KCP: variants seen among roughly 807,000 people sequenced by gnomAD.
KCP encodes kielin/chordin-like protein.
In KCP, 194 loss-of-function variants were observed where a neutral mutation model predicts 212.7. The observed-to-expected ratio is 0.91, with a 90% CI of 0.81 to 1.03. The LOEUF (loss-of-function observed/expected upper bound fraction) is 1.03. Ranked by LOEUF, KCP falls within the 50% of genes least tolerant of loss-of-function variation. The pLI is 0.00. For missense variants in KCP, 2,080 were observed against 2,162.5 expected, an observed-to-expected ratio of 0.96 and a Z score of 0.76; for synonymous variants, 833 against 865.3, an observed-to-expected ratio of 0.96 and a Z score of 0.65.
At chr7:128,884,232 T>C in intron 28 of KCP, 110 bp from the exon 29 acceptor site, 3 of 1,364,092 alleles carry the variant, frequency 2.2e-6, no homozygotes, top group African/African-American at 1.5e-5. Context: ...TTCCGGGACA[T>C]GTCTTGGGCC....
chr7:128,898,438 C>T (rs1432939388), intron 8 of KCP, among the ~76,000 whole-genome samples: 1 of 152,228 alleles, frequency 6.6e-6, no homozygotes, highest in African/African-American at 2.4e-5. Context: ...ACACCCCTAG[C>T]TGTGCTGGAA....
chr7:128,891,504 T>G lies in KCP; in HGVS notation c.1825A>C (p.Ser609Arg), dbSNP rs763933238. The part of the protein sequence containing the change: ...GCAFGGKEYP[S>R]GADFPHPSDP... ...GAGGGGTGGGGGAAGTCCGCTCCGC[T>G]GGGGTACTCTTTCCCGCCAAAGGCA... is the stretch of plus-strand genomic sequence containing the variant. The change falls in exon 18 of 40, where the codon AGC becomes CGC. Residue 609 changes from serine to arginine, a missense_variant. By Grantham distance (110) the Ser-to-Arg change is moderately radical. Coordinates refer to ENST00000610776, the MANE Select transcript of KCP (RefSeq NM_001366122.1). 3 of 1,547,228 alleles carry G rather than the reference T, an allele frequency of 1.9e-6. No individual in the cohort carries two copies. The highest frequency in any genetic ancestry group is 1.7e-6 in the Non-Finnish European group (2 of 1,144,472).
chr7:128,899,655 G>T (rs1161855695), intron 8 of KCP, among the ~76,000 whole-genome samples: 1 of 152,150 alleles, frequency 6.6e-6, no homozygotes, highest in Non-Finnish European at 1.5e-5. Flanking sequence ...CAAAATTGGA[G>T]CATATTTATT....
intron 20 of KCP, 35 bp from the exon 21 acceptor site, chr7:128,890,548 G>C: frequency 6.6e-7 from 1 of 1,514,488 alleles, no homozygotes; most frequent in Non-Finnish European, 8.9e-7. Context: ...GGGCCGTGGG[G>C]ACTAGAGGGC....
rs1338252570 is a variant in KCP at position 128,887,248 on chromosome 7, T to C, written c.2565A>G (p.Pro855=). 1 of 1,551,352 alleles carries C rather than the reference T, an allele frequency of 6.4e-7. No individual in the cohort carries two copies. Among genetic ancestry groups the C allele is most frequent in the Admixed American group, 2.0e-5 (1 of 50,974 alleles). The change falls in exon 23 of 40, where the codon CCA becomes CCG. Residue 855 remains proline, a synonymous_variant. Transcript: ENST00000610776. ...TTASGETLPD[P]LDPTCSLCTC... is the part of the protein sequence containing the mutation. Reference sequence around the variant, plus strand: ...TGCAGAGGGAGCAGGTAGGGTCAAGTGGGTCAGGAAGGGTCTCTCCGGAGG... The same window carrying C: ...TGCAGAGGGAGCAGGTAGGGTCAAGCGGGTCAGGAAGGGTCTCTCCGGAGG...
intron 2 of KCP, 84 bp downstream of exon 2, chr7:128,908,342 C>T: frequency 7.7e-7 from 1 of 1,294,998 alleles, no homozygotes; most frequent in South Asian, 1.6e-5. Flanking sequence ...TTTAGGCTCC[C>T]CCCTCCAAGC....
chr7:128,887,687 A>T (rs1356396589), intron 22 of KCP, among the ~76,000 whole-genome samples: 1 of 148,568 alleles, frequency 6.7e-6, no homozygotes, highest in Non-Finnish European at 1.5e-5. Flanking sequence ...ACACACATAC[A>T]CACATATACC....
chr7:128,902,889 C>T, intron 7 of KCP, 30 bp from the exon 8 acceptor site: 3 of 1,520,846 alleles, frequency 2.0e-6, no homozygotes, highest in Non-Finnish European at 2.7e-6. Flanking sequence ...AAGAGGGAGG[C>T]CTGGTGGGAG....
In KCP at chr7:128,890,891, C is replaced by A; in HGVS notation, c.2164+14G>T. The A allele has an allele frequency of 2.4e-6, 3 of 1,248,528 alleles. No individual in the cohort carries two copies. The highest frequency in any genetic ancestry group is 3.0e-6 in the Non-Finnish European group (3 of 1,000,996). The allele number at this position is 1,248,528 out of a possible 1,614,324, so 77.3% of individuals were successfully genotyped here. On this transcript the variant is annotated intron_variant, in intron 20 of 39. Coordinates refer to ENST00000610776, the MANE Select transcript of KCP (RefSeq NM_001366122.1). ...GGACGCGGGTGGCCGGGAGGGGCAC[C>A]GCCAGGGCGTTACCGTCGCAGGAGG...
chr7:128,877,190 G>C lies in KCP; in HGVS notation c.4740C>G (p.Cys1580Trp), dbSNP rs538963633. 3 of 1,485,396 alleles carry C rather than the reference G, an allele frequency of 2.0e-6. No individual in the cohort carries two copies. The African/African-American group carries it at 4.3e-5, about 21-fold the overall frequency. The allele number at this position is 1,485,396 out of a possible 1,614,324, so 92.0% of individuals were successfully genotyped here. The change falls in exon 40 of 40, where the codon TGC (cysteine) becomes TGG (tryptophan). Residue 1580 changes from cysteine to tryptophan, a missense_variant. Cys to Trp is a radical substitution (Grantham distance 215). Transcript: ENST00000610776. ...CTGCAGGGCACTGGCAGCCGGGCAC[G>C]CAGGGCCTCACGCAGTGGGCTGCCA... ...GELAAHCVRP[C>W]VPGCQCPAGL... is the part of the protein sequence containing the mutation.
intron 18 of KCP, 57 bp downstream of exon 18, chr7:128,891,394 C>T: frequency 6.5e-7 from 1 of 1,546,734 alleles, no homozygotes; most frequent in Non-Finnish European, 8.7e-7. Context: ...CCTCTCCTGG[C>T]CTCTGCAAGT....
At chr7:128,908,145 AAG>A (rs1179159002) in intron 2 of KCP, among the ~76,000 whole-genome samples, 2 of 134,888 alleles carry the variant, frequency 1.5e-5, no homozygotes, top group Admixed American at 7.0e-5. Context: ...AAAAAAAAGA[AAG>A]AGAGAGAGAG....
At chr7:128,880,745 G>A (rs551114536) in intron 32 of KCP, 24 bp from the exon 33 acceptor site, 1 of 410,802 alleles carries the variant, frequency 2.4e-6, no homozygotes, top group African/African-American at 2.0e-5. Flanking sequence ...TCATTGTTCT[G>A]GGGTTTTCTG....
chr7:128,877,246 A>C lies in KCP; in HGVS notation c.4684T>G (p.Cys1562Gly). ...CCCAGGGGGATATGCTGATTGAAGC[A>C]GGTGCGGGGACAGGGTGGGCCGCAC... is the stretch of plus-strand genomic sequence containing the variant. ...DECGPPCPRTCFNQHIPLGEL... is the reference protein window; with the variant it reads ...DECGPPCPRTGFNQHIPLGEL... The change falls in exon 40 of 40, where the codon TGC becomes GGC. Residue 1562 changes from cysteine to glycine, a missense_variant. Coordinates refer to ENST00000610776, the MANE Select transcript of KCP (RefSeq NM_001366122.1). 6.7e-7 allele frequency: 1 copy of C among 1,485,526 alleles called. No individual in the cohort carries two copies. Among genetic ancestry groups the C allele is most frequent in the Non-Finnish European group, 8.9e-7 (1 of 1,118,202 alleles). The allele number at this position is 1,485,526 out of a possible 1,614,324, so 92.0% of individuals were successfully genotyped here. A position where few individuals can be genotyped will look rare whatever the true frequency, so the allele number is the denominator to read the frequency against.
intron 1 of KCP, among the ~76,000 whole-genome samples, chr7:128,909,776 T>C (rs1167484466): frequency 6.6e-6 from 1 of 152,164 alleles, no homozygotes. Context: ...TTCTGGCTTA[T>C]ATCAGGGATT....
chr7:128,907,577 GT>G, intron 2 of KCP, 124 bp from the exon 3 acceptor site: 4 of 571,518 alleles, frequency 7.0e-6, no homozygotes, highest in Non-Finnish European at 1.1e-5. Flanking sequence ...GCAGAGATGG[GT>G]CCCCCTCGGT....
At chr7:128,900,592 G>A (rs1281370134) in intron 8 of KCP, among the ~76,000 whole-genome samples, 2 of 152,136 alleles carry the variant, frequency 1.3e-5, no homozygotes, top group South Asian at 2.1e-4. Context: ...TATTTCTGTT[G>A]TACTCTTTGG....
chr7:128,907,551 G>A, intron 2 of KCP, 98 bp from the exon 3 acceptor site: 1 of 844,594 alleles, frequency 1.2e-6, no homozygotes, highest in Non-Finnish European at 1.7e-6. Flanking sequence ...TGAGAAAGAA[G>A]TTCGCCAATT....
At chr7:128,881,566 C>G in intron 31 of KCP, 60 bp downstream of exon 31, 1 of 1,248,238 alleles carries the variant, frequency 8.0e-7, no homozygotes, top group South Asian at 1.7e-5. Context: ...TGAATGCCTC[C>G]CCTTCCTGTG....
Sources: gnomAD v4.1 joint callset for allele counts (sites outside exome capture counted in the v4.1 genomes callset) on GRCh38, gnomAD v4.1.1 for gene constraint, MANE v1.5 for transcripts, NCBI Gene and HGNC (gene_info 2026-07-23, HGNC 2026-07-21) for gene names.